The following ALAS2 variants were observed in gnomAD, a reference collection of about 807,000 sequenced individuals.
ALAS2 encodes the protein 5'-aminolevulinate synthase 2, also known as 5-aminolevulinate synthase, erythroid-specific, mitochondrial.
A neutral mutation model predicts 33.7 loss-of-function variants in ALAS2; 3 were observed. The observed-to-expected ratio is 0.09, with a 90% CI of 0.04 to 0.23. The LOEUF (loss-of-function observed/expected upper bound fraction) is 0.23, where lower values mean the gene tolerates loss of function less well. Among genes scored for constraint, ALAS2 ranks in the 10% least tolerant of loss-of-function variants. The pLI, the probability that ALAS2 is intolerant of heterozygous loss-of-function variation, is 1.00. For missense variants in ALAS2, 304 were observed against 475.1 expected, an observed-to-expected ratio of 0.64 and a Z score of 3.35; for synonymous variants, 191 against 177.3, an observed-to-expected ratio of 1.08 and a Z score of -0.61.
intron 6 of ALAS2, among the ~76,000 whole-genome samples, chrX:55,018,679 T>C (rs141636989): frequency 0.015 from 1,702 of 111,462 alleles, 36 homozygotes; most frequent in African/African-American, 0.053. Flanking sequence ...AAGAGATACA[T>C]AGAAGCCAGA....
At chrX:55,013,170 G>A (rs1935631807) in intron 10 of ALAS2, among the ~76,000 whole-genome samples, 1 of 111,598 alleles carries the variant, frequency 9.0e-6, no homozygotes, top group Non-Finnish European at 1.9e-5. Context: ...CTACTAGGAA[G>A]TGGGTCTTGC....
At chrX:55,020,212 A>G (rs752120916) in intron 6 of ALAS2, 108 bp downstream of exon 6, 8 of 787,631 alleles carry the variant, frequency 1.0e-5, no homozygotes, top group Non-Finnish European at 1.5e-5. Context: ...AGGAAGAACA[A>G]TGGGAGTGAG....
At chrX:55,018,180 G>T (rs777924027) in intron 6 of ALAS2, among the ~76,000 whole-genome samples, 1 of 111,739 alleles carries the variant, frequency 8.9e-6, no homozygotes, top group Admixed American at 9.5e-5. Flanking sequence ...AGCTGGCAGG[G>T]CTGTTAGTGA....
chrX:55,029,775 AGAT>A (rs1323966402), intron 1 of ALAS2, among the ~76,000 whole-genome samples: 1 of 111,981 alleles, frequency 8.9e-6, no homozygotes, highest in Non-Finnish European at 1.9e-5. Context: ...TTAACCAAAG[AGAT>A]GATGGTGAAA....
intron 7 of ALAS2, 21 bp from the exon 8 acceptor site, chrX:55,015,763 G>C (rs751946135): frequency 1.7e-6 from 2 of 1,208,335 alleles, no homozygotes; most frequent in East Asian, 5.9e-5. Flanking sequence ...CCAAGGGATA[G>C]AGGTAGGACA....
At chrX:55,012,585 G>A (rs767489673) in intron 10 of ALAS2, among the ~76,000 whole-genome samples, 4 of 112,225 alleles carry the variant, frequency 3.6e-5, no homozygotes, top group East Asian at 2.8e-4. Context: ...TCAGGAGTTC[G>A]AGACTAGCCT....
At chrX:55,023,193 T>G (rs1277416076) in intron 4 of ALAS2, among the ~76,000 whole-genome samples, 8 of 98,203 alleles carry the variant, frequency 8.1e-5, no homozygotes, top group South Asian at 4.5e-4. Flanking sequence ...GAGCAGAGGG[T>G]GTGTGTGTGT....
intron 1 of ALAS2, among the ~76,000 whole-genome samples, chrX:55,027,148 G>C (rs1253490715): frequency 9.0e-6 from 1 of 110,920 alleles, no homozygotes; most frequent in African/African-American, 3.3e-5. Flanking sequence ...GGCACGAAAG[G>C]GACATGAGGA....
chrX:55,017,152 G>T (rs375731736), intron 7 of ALAS2, among the ~76,000 whole-genome samples: 6 of 111,996 alleles, frequency 5.4e-5, no homozygotes, highest in Admixed American at 2.8e-4. Flanking sequence ...AGATGAATTG[G>T]ATGCCAACTC....
At chrX:55,025,694 G>A in intron 2 of ALAS2, 126 bp downstream of exon 2, 1 of 735,855 alleles carries the variant, frequency 1.4e-6, no homozygotes, top group Non-Finnish European at 2.1e-6. Flanking sequence ...TTTGGGGCCA[G>A]TTCATGCTAT....
At position 55,020,460 on chromosome X, in the gene ALAS2, T is replaced by C. The variant is rs1359816622; in HGVS notation, c.683A>G (p.Asn228Ser). The change falls in exon 6 of 11, where the codon AAC becomes AGC. Residue 228 changes from asparagine (N) to serine (S), a missense_variant. By Grantham distance (46) the Asn-to-Ser change is conservative (BLOSUM62 1). This residue lies in a region of ALAS2 where 138 missense variants were observed against 265.3 expected (regional missense o/e 0.52). Coordinates refer to ENST00000650242, the MANE Select transcript of ALAS2 (RefSeq NM_000032.5). Reference protein sequence around the residue: ...RHGAGAGGTRNISGTSKFHVE... With the variant: ...RHGAGAGGTRSISGTSKFHVE... ...ATGAAACTTACTGGTGCCTGAGATG[T>C]TGCGGGTGCCACCAGCTCCAGCACC... 1 of 1,185,737 alleles carries C rather than the reference T, an allele frequency of 8.4e-7. No homozygotes were observed. The highest frequency in any genetic ancestry group is 2.4e-5 in the Admixed American group (1 of 42,114).
chrX:55,030,552 G>A (rs1418193745), intron 1 of ALAS2, among the ~76,000 whole-genome samples: 1 of 111,071 alleles, frequency 9.0e-6, no homozygotes, highest in Non-Finnish European at 1.9e-5. Flanking sequence ...TGATAGAGAG[G>A]AAGAGAGAGA....
intron 9 of ALAS2, among the ~76,000 whole-genome samples, chrX:55,014,078 T>G (rs1428883269): frequency 9.0e-6 from 1 of 111,600 alleles, no homozygotes; most frequent in East Asian, 2.8e-4. Flanking sequence ...CAGTGACTAT[T>G]TCTCATCCAC....
chrX:55,017,027 C>A (rs1935713122), intron 7 of ALAS2, among the ~76,000 whole-genome samples: 1 of 111,689 alleles, frequency 9.0e-6, no homozygotes. Context: ...AAACCAAACA[C>A]TGGGATTATT....
At position 55,020,389 on chromosome X, in the gene ALAS2, C is replaced by T. The variant is rs1410471242; in HGVS notation, c.754G>A (p.Ala252Thr). The change falls in exon 6 of 11, where the codon GCC becomes ACC. Residue 252 changes from alanine (A) to threonine (T), a missense_variant. Coordinates refer to ENST00000650242, the MANE Select transcript of ALAS2 (RefSeq NM_000032.5). Reference sequence around the variant, plus strand: ...ACAAAGCAGGAGGAGAAGAGCAGGGCTGAGTCCTTCTGGTGCAGCTCAGCC... The same window carrying T: ...ACAAAGCAGGAGGAGAAGAGCAGGGTTGAGTCCTTCTGGTGCAGCTCAGCC... ...ELAELHQKDSALLFSSCFVAN... is the reference protein window; with the variant it reads ...ELAELHQKDSTLLFSSCFVAN... The T allele has an allele frequency of 1.7e-6, 2 of 1,206,353 alleles. No homozygotes were observed. Among genetic ancestry groups the T allele is most frequent in the Non-Finnish European group, 1.1e-6 (1 of 892,948 alleles).
At chrX:55,021,812 TTAG>T (rs746017605) in intron 4 of ALAS2, among the ~76,000 whole-genome samples, 44 of 112,509 alleles carry the variant, frequency 3.9e-4, no homozygotes, top group African/African-American at 1.0e-3. Flanking sequence ...TGCTATAGTA[TTAG>T]TAGTCATAAT....
At chrX:55,013,756 G>T in intron 9 of ALAS2, 108 bp from the exon 10 acceptor site, 1 of 1,000,157 alleles carries the variant, frequency 1.0e-6, no homozygotes, top group South Asian at 2.0e-5. Flanking sequence ...CTGAATTTTG[G>T]GATAGATTTT....
At chrX:55,012,527 G>A (rs913961982) in intron 10 of ALAS2, among the ~76,000 whole-genome samples, 7 of 112,690 alleles carry the variant, frequency 6.2e-5, no homozygotes, top group African/African-American at 2.3e-4. Flanking sequence ...GGTGGCTCAC[G>A]CCTGTAATCC....
intron 10 of ALAS2, 133 bp downstream of exon 10, chrX:55,013,353 T>C: frequency 5.6e-6 from 4 of 711,003 alleles, no homozygotes; most frequent in Non-Finnish European, 8.1e-6. Flanking sequence ...GTGACCCTAG[T>C]ATAGGTGCTG....
Sources: allele counts gnomAD v4.1 joint callset (sites outside exome capture counted in the v4.1 genomes callset), GRCh38; gene constraint gnomAD v4.1.1; regional missense constraint gnomAD v4.1.1; transcripts MANE v1.5; gene names NCBI Gene and HGNC (gene_info 2026-07-23, HGNC 2026-07-21).